Variants in CNTN5 observed in about 807,000 individuals in gnomAD.
CNTN5 encodes contactin-5.
In CNTN5, 77 loss-of-function variants were observed where a neutral mutation model predicts 129.1. That is an observed-to-expected ratio of 0.60 (90% CI 0.50 to 0.72). CNTN5 has a LOEUF of 0.72. CNTN5 is among the 30% of genes least tolerant of loss of function. The pLI is 0.00. For synonymous variants in CNTN5, 509 were observed against 465.6 expected (o/e 1.09, Z -1.20); for missense variants, 1,478 against 1,328.8 (o/e 1.11, Z -1.75).
intron 1 of CNTN5, among the ~76,000 whole-genome samples, chr11:99,185,926 TAAAAATAACCCATCAAAATTAA>T (rs1858329951): frequency 7.1e-6 from 1 of 140,396 alleles, no homozygotes; most frequent in Non-Finnish European, 1.6e-5. Flanking sequence ...TATCACAATT[TAAAAATAACCCATCAAAATTAA>T]GGAGAGGAAA....
intron 3 of CNTN5, among the ~76,000 whole-genome samples, chr11:99,735,938 TC>T (rs1324546638): frequency 1.3e-5 from 2 of 152,090 alleles, no homozygotes; most frequent in African/African-American, 4.8e-5. Flanking sequence ...TCATTCATCC[TC>T]CCCCAGCCCC....
intron 1 of CNTN5, among the ~76,000 whole-genome samples, chr11:99,043,931 G>A (rs1486152301): frequency 6.6e-6 from 1 of 152,170 alleles, no homozygotes; most frequent in Non-Finnish European, 1.5e-5. Flanking sequence ...AAATGAGACA[G>A]TGTGAGAGAA....
intron 4 of CNTN5, among the ~76,000 whole-genome samples, chr11:99,835,817 G>T (rs2135640187): frequency 6.6e-6 from 1 of 152,298 alleles, no homozygotes; most frequent in African/African-American, 2.4e-5. Context: ...CCTAGGCCTG[G>T]AAATACATGC....
At chr11:99,904,588 G>T (rs1028328910) in intron 6 of CNTN5, among the ~76,000 whole-genome samples, 1 of 152,148 alleles carries the variant, frequency 6.6e-6, no homozygotes, top group African/African-American at 2.4e-5. Context: ...TGTGAATAGT[G>T]CTGCAGTAAA....
chr11:99,080,281 C>T (rs1865737075), intron 1 of CNTN5, among the ~76,000 whole-genome samples: 1 of 152,082 alleles, frequency 6.6e-6, no homozygotes. Context: ...GGCAAAGGAA[C>T]AAGGTGATAA....
chr11:99,634,522 T>C (rs992563366), intron 3 of CNTN5, among the ~76,000 whole-genome samples: 2 of 152,206 alleles, frequency 1.3e-5, no homozygotes, highest in South Asian at 4.1e-4. Flanking sequence ...CTAAAATATT[T>C]ACTTGTATTT....
intron 6 of CNTN5, among the ~76,000 whole-genome samples, chr11:99,874,344 TC>T (rs1417169536): frequency 2.4e-4 from 37 of 152,198 alleles, no homozygotes; most frequent in African/African-American, 8.9e-4. Context: ...TTAGGATTTT[TC>T]TGATTAGACA....
chr11:100,228,961 T>C (rs1949435405), intron 16 of CNTN5, among the ~76,000 whole-genome samples: 1 of 152,162 alleles, frequency 6.6e-6, no homozygotes, highest in South Asian at 2.1e-4. Flanking sequence ...TTATTAATAA[T>C]TTCAAGACAG....
chr11:99,306,820 CAT>C (rs1864899069), intron 1 of CNTN5, among the ~76,000 whole-genome samples: 3 of 150,728 alleles, frequency 2.0e-5, no homozygotes, highest in Admixed American at 6.6e-5. Flanking sequence ...TAAAATTAAC[CAT>C]GTTAATCATT....
At chr11:99,400,307 A>G (rs1482864516) in intron 2 of CNTN5, among the ~76,000 whole-genome samples, 1 of 152,154 alleles carries the variant, frequency 6.6e-6, no homozygotes, top group Non-Finnish European at 1.5e-5. Context: ...TTCGCTTAAC[A>G]TAATGAACTC....
In CNTN5 at chr11:99,896,133, A is replaced by G. The variant is rs147288037; in HGVS notation, c.578-19921A>G. On this transcript the variant is annotated intron_variant, in intron 6 of 24. Transcript: ENST00000524871. Reference sequence around the variant, plus strand: ...CCTGTCCCCAAGCCAGGGAGGGAACAAGGAGGTGGGGCACATTTGTGGACC... The same window carrying G: ...CCTGTCCCCAAGCCAGGGAGGGAACGAGGAGGTGGGGCACATTTGTGGACC... Among the ~76,000 whole-genome samples the G allele has an allele frequency of 4.9e-3, 752 of 152,262 alleles. 8 individuals are homozygous for G. Among genetic ancestry groups the G allele is most frequent in the African/African-American group, 0.016 (683 of 41,544 alleles).
chr11:99,342,286 A>T (rs1565505396), intron 2 of CNTN5, among the ~76,000 whole-genome samples: 1 of 152,122 alleles, frequency 6.6e-6, no homozygotes, highest in Non-Finnish European at 1.5e-5. Context: ...ATTCAGAGAC[A>T]ACTGTGTGAG....
chr11:100,240,219 A>ACCCC lies in CNTN5; in HGVS notation c.2005+15408_2005+15411dup, dbSNP rs1468030423. On this transcript the variant is annotated intron_variant, in intron 16 of 24. Coordinates refer to ENST00000524871, the MANE Select transcript of CNTN5 (RefSeq NM_014361.4). ...GGAACATCTGTTACAAATTATCAACACCCCGCCCCACACCCCCCGACCCCC... is the reference window on the plus strand; with the variant it reads ...GGAACATCTGTTACAAATTATCAACACCCCCCCCGCCCCACACCCCCCGACCCCC... 2.9e-4 allele frequency among the ~76,000 whole-genome samples: 43 copies of ACCCC among 149,768 alleles called. 1 individual carries two copies. Among genetic ancestry groups the ACCCC allele is most frequent in the African/African-American group, 1.0e-3 (40 of 39,486 alleles).
intron 7 of CNTN5, among the ~76,000 whole-genome samples, chr11:99,948,454 C>T (rs554431563): frequency 1.3e-5 from 2 of 152,230 alleles, no homozygotes; most frequent in East Asian, 3.9e-4. Flanking sequence ...CACCAGCCTG[C>T]TTTTGTTCTG....
chr11:99,565,460 A>C (rs1948972634), intron 3 of CNTN5, among the ~76,000 whole-genome samples: 1 of 152,176 alleles, frequency 6.6e-6, no homozygotes, highest in Admixed American at 6.5e-5. Flanking sequence ...GACTTTATAT[A>C]CATAATAAGA....
intron 8 of CNTN5, among the ~76,000 whole-genome samples, chr11:99,992,949 G>A (rs933167848): frequency 6.6e-6 from 1 of 152,118 alleles, no homozygotes; most frequent in African/African-American, 2.4e-5. Context: ...CACATTGAGT[G>A]TTTCTTGAGC....
intron 8 of CNTN5, among the ~76,000 whole-genome samples, chr11:99,989,682 C>A (rs748748194): frequency 6.6e-6 from 1 of 152,030 alleles, no homozygotes; most frequent in African/African-American, 2.4e-5. Context: ...AAATAATAAA[C>A]ATCTACTTTT....
intron 1 of CNTN5, among the ~76,000 whole-genome samples, chr11:99,069,724 C>T (rs1020090314): frequency 2.6e-5 from 4 of 152,132 alleles, no homozygotes; most frequent in African/African-American, 7.2e-5. Context: ...ATTTAGATAG[C>T]TTGAAAATGG....
chr11:99,024,737 T>C (rs1237203251), intron 1 of CNTN5, among the ~76,000 whole-genome samples: 1 of 151,958 alleles, frequency 6.6e-6, no homozygotes, highest in African/African-American at 2.4e-5. Context: ...CTGGGAACTT[T>C]CCAGAGAGGC....
Sources: allele counts gnomAD v4.1 joint callset (sites outside exome capture counted in the v4.1 genomes callset), GRCh38; gene constraint gnomAD v4.1.1; transcripts MANE v1.5; gene names NCBI Gene and HGNC (gene_info 2026-07-23, HGNC 2026-07-21).